The following CLVS1 variants were observed in gnomAD, a reference collection of about 807,000 sequenced individuals.
The protein encoded by CLVS1 is clavesin-1.
CLVS1 carries 10 observed loss-of-function variants against 33.1 expected under a neutral mutation model. The ratio of observed to expected loss-of-function variants is 0.30; its 90% CI spans 0.19 to 0.51. CLVS1 has a LOEUF of 0.51. CLVS1 is among the 20% of genes least tolerant of loss of function. The pLI, the probability that CLVS1 is intolerant of heterozygous loss-of-function variation, is 0.97. For missense variants in CLVS1, 343 were observed against 433.4 expected (o/e 0.79, Z 1.85); for synonymous variants, 163 against 166.1 (o/e 0.98, Z 0.14).
intron 1 of CLVS1, among the ~76,000 whole-genome samples, chr8:61,091,904 G>A (rs1563399066): frequency 6.6e-6 from 1 of 152,178 alleles, no homozygotes; most frequent in Non-Finnish European, 1.5e-5. Context: ...TGATGGGGCT[G>A]GTTATTCAGG....
the CLVS1 span, among the ~76,000 whole-genome samples, chr8:61,032,074 G>C: frequency 6.6e-6 from 1 of 152,184 alleles, no homozygotes. Context: ...TGGCAGTGTG[G>C]GAACAGGTTG....
intron 2 of CLVS1, among the ~76,000 whole-genome samples, chr8:61,230,574 A>C (rs1808411241): frequency 6.6e-6 from 1 of 152,200 alleles, no homozygotes; most frequent in African/African-American, 2.4e-5. Context: ...TATTGATCTT[A>C]TGTGTAAGGC....
At chr8:61,025,040 G>T in the CLVS1 span, among the ~76,000 whole-genome samples, 8 of 151,970 alleles carry the variant, frequency 5.3e-5, no homozygotes, top group Admixed American at 2.0e-4. Context: ...GTGGAGATGG[G>T]GTTTCACCAT....
intron 2 of CLVS1, among the ~76,000 whole-genome samples, chr8:61,327,192 A>G (rs1811416379): frequency 6.6e-6 from 1 of 152,178 alleles, no homozygotes; most frequent in South Asian, 2.1e-4. Flanking sequence ...AGTGAAAACA[A>G]AGCATTGTTT....
intron 2 of CLVS1, among the ~76,000 whole-genome samples, chr8:61,220,850 T>C (rs1189698667): frequency 6.6e-6 from 1 of 152,178 alleles, no homozygotes; most frequent in East Asian, 1.9e-4. Flanking sequence ...CATTGATTTG[T>C]AGTTCTCCTT....
chr8:61,306,286 A>G (rs1810623781), intron 2 of CLVS1, among the ~76,000 whole-genome samples: 1 of 152,210 alleles, frequency 6.6e-6, no homozygotes, highest in Non-Finnish European at 1.5e-5. Context: ...TCTAATGATC[A>G]GTGATGTTGA....
intron 1 of CLVS1, among the ~76,000 whole-genome samples, chr8:61,068,215 ATATGTATGTATGTG>A (rs1804718878): frequency 1.9e-5 from 2 of 106,192 alleles, no homozygotes; most frequent in African/African-American, 5.5e-5. Flanking sequence ...ATATATATAT[ATATGTATGTATGTG>A]TATATATATA....
the CLVS1 span, among the ~76,000 whole-genome samples, chr8:61,030,905 TG>T: frequency 6.6e-6 from 1 of 152,236 alleles, no homozygotes; most frequent in East Asian, 1.9e-4. Context: ...TTTGTAAATT[TG>T]GATGAGTTAT....
rs186499697 is a variant in CLVS1, at chr8:61,133,671, C to T, written c.-152+1811C>T. 7.2e-5 allele frequency among the ~76,000 whole-genome samples: 11 copies of T among 152,144 alleles called. No homozygotes were observed. In the East Asian group the frequency reaches 1.4e-3, roughly 19 times the overall value. On this transcript the variant is annotated intron_variant, in intron 2 of 2. Transcript: ENST00000522621. Reference sequence around the variant, plus strand: ...AGGACGCTACACTGCCAAAACACATCGGAAGGATTGGGAAGGGGAAAGATT... The same window carrying T: ...AGGACGCTACACTGCCAAAACACATTGGAAGGATTGGGAAGGGGAAAGATT...
At chr8:61,312,085 C>T (rs1415871338) in intron 2 of CLVS1, among the ~76,000 whole-genome samples, 4 of 152,198 alleles carry the variant, frequency 2.6e-5, no homozygotes, top group Admixed American at 2.6e-4. Flanking sequence ...CTATTCATTG[C>T]TTTCCCCAGT....
At chr8:61,400,315 A>G (rs933504003) in intron 3 of CLVS1, among the ~76,000 whole-genome samples, 1 of 152,180 alleles carries the variant, frequency 6.6e-6, no homozygotes, top group Non-Finnish European at 1.5e-5. Flanking sequence ...GAGTTCATTC[A>G]TGATGTGGCT....
the CLVS1 span, among the ~76,000 whole-genome samples, chr8:60,990,694 A>C: frequency 2.0e-5 from 3 of 151,502 alleles, no homozygotes. Flanking sequence ...CACCTATATT[A>C]ATTAACAGGG....
chr8:60,982,256 CT>C, the CLVS1 span, among the ~76,000 whole-genome samples: 1 of 152,162 alleles, frequency 6.6e-6, no homozygotes, highest in African/African-American at 2.4e-5. Context: ...AACCAAGAGG[CT>C]TTCTGAACAC....
chr8:61,318,626 C>G (rs1279021734), intron 2 of CLVS1, among the ~76,000 whole-genome samples: 1 of 152,134 alleles, frequency 6.6e-6, no homozygotes, highest in Non-Finnish European at 1.5e-5. Context: ...ATTCTATTTT[C>G]AAGACTTTTA....
At chr8:61,285,782 G>A (rs1408925681), upstream of CLVS1, among the ~76,000 whole-genome samples, 1 of 152,142 alleles carries the variant, frequency 6.6e-6, no homozygotes, top group African/African-American at 2.4e-5. Flanking sequence ...AATACCCAGA[G>A]AAATACCTAT....
chr8:61,167,432 T>C (rs1806897358), intron 2 of CLVS1, among the ~76,000 whole-genome samples: 1 of 152,268 alleles, frequency 6.6e-6, no homozygotes, highest in East Asian at 1.9e-4. Flanking sequence ...TCCACCCGCC[T>C]CGGCCTCCCA....
rs556843228 is a variant in CLVS1 at position 61,395,505 on chromosome 8, A to G, written c.630+18726A>G. Among the ~76,000 whole-genome samples, 11 of 152,354 alleles carry G rather than the reference A, an allele frequency of 7.2e-5. No individual in the cohort carries two copies. In the South Asian group the frequency reaches 2.1e-3, roughly 29 times the overall value. ...ATGATAAATCATTGAGGTGATGGAT[A>G]TGTTAATTAGCTTGATTGAATCATT... On this transcript the variant is annotated intron_variant, in intron 3 of 5. Coordinates refer to ENST00000325897, the MANE Select transcript of CLVS1 (RefSeq NM_173519.3).
chr8:61,244,175 G>A (rs959534857), intron 2 of CLVS1, among the ~76,000 whole-genome samples: 3 of 139,050 alleles, frequency 2.2e-5, no homozygotes, highest in African/African-American at 5.0e-5. Flanking sequence ...GTGCAGTATA[G>A]GGCATTGCAT....
intron 2 of CLVS1, among the ~76,000 whole-genome samples, chr8:61,222,583 C>T (rs1370466861): frequency 2.0e-5 from 3 of 152,102 alleles, no homozygotes; most frequent in African/African-American, 4.8e-5. Context: ...GCTGAGGCGT[C>T]TTTTACTTCC....
Sources: allele counts gnomAD v4.1 joint callset (sites outside exome capture counted in the v4.1 genomes callset), GRCh38; gene constraint gnomAD v4.1.1; transcripts MANE v1.5; gene names NCBI Gene and HGNC (gene_info 2026-07-23, HGNC 2026-07-21).